Variants in BBS9 observed in about 807,000 individuals in gnomAD.
BBS9 encodes protein PTHB1.
In BBS9, 89 loss-of-function variants were observed where a neutral mutation model predicts 117.7. The ratio of observed to expected loss-of-function variants is 0.76; its 90% CI spans 0.64 to 0.90. BBS9 has a LOEUF of 0.90. BBS9 is among the 40% of genes least tolerant of loss of function. The pLI is 0.00. For synonymous variants in BBS9, 379 were observed against 370.9 expected (o/e 1.02, Z -0.25); for missense variants, 982 against 1,042.2 (o/e 0.94, Z 0.80).
In BBS9 at chr7:33,348,303, T is replaced by C. The variant is rs973227353; in HGVS notation, c.1330-765T>C. Among the ~76,000 whole-genome samples the C allele has an allele frequency of 6.6e-5, 10 of 152,162 alleles. 1 individual carries two copies. The South Asian group carries it at 1.0e-3, about 16-fold the overall frequency. On this transcript the variant is annotated intron_variant, in intron 12 of 22. Transcript: ENST00000242067. ...GCATCATGTTTTCAAGGTTCACCCA[T>C]GTTGTGGCATGTAAATGAAATAATG...
intron 5 of BBS9, among the ~76,000 whole-genome samples, chr7:33,239,535 A>C (rs1794114892): frequency 6.6e-6 from 1 of 152,018 alleles, no homozygotes; most frequent in East Asian, 1.9e-4. Context: ...TCAGTCTCCC[A>C]AGTAGCTGGG....
At chr7:33,623,288 A>G (rs1466800198) in intron 21 of BBS9, among the ~76,000 whole-genome samples, 5 of 152,204 alleles carry the variant, frequency 3.3e-5, no homozygotes, top group African/African-American at 1.2e-4. Context: ...TTGGAAAAAA[A>G]AAACCTAATC....
chr7:33,170,402 AC>A (rs1352137614), intron 4 of BBS9, among the ~76,000 whole-genome samples: 4 of 148,146 alleles, frequency 2.7e-5, no homozygotes, highest in East Asian at 2.0e-4. Context: ...AAATTCAACA[AC>A]CCTTCATGCT....
intron 5 of BBS9, among the ~76,000 whole-genome samples, chr7:33,215,690 G>A (rs1019758950): frequency 2.6e-4 from 39 of 151,914 alleles, no homozygotes; most frequent in African/African-American, 7.7e-4. Context: ...ATGAAATCCC[G>A]GCATTTGCAG....
intron 5 of BBS9, among the ~76,000 whole-genome samples, chr7:33,181,941 G>C (rs964175117): frequency 1.1e-4 from 17 of 152,162 alleles, no homozygotes; most frequent in African/African-American, 4.1e-4. Context: ...AACAAAATTA[G>C]CTGGGCATGG....
At chr7:33,150,711 C>T (rs1292381880) in intron 2 of BBS9, among the ~76,000 whole-genome samples, 1 of 152,076 alleles carries the variant, frequency 6.6e-6, no homozygotes, top group Non-Finnish European at 1.5e-5. Flanking sequence ...GGGCTTGTAT[C>T]TTGGGGAAAA....
At chr7:33,588,378 A>G (rs1861316085) in intron 21 of BBS9, among the ~76,000 whole-genome samples, 1 of 152,132 alleles carries the variant, frequency 6.6e-6, no homozygotes, top group South Asian at 2.1e-4. Flanking sequence ...AGATAATACT[A>G]TGTAAAAATT....
At chr7:33,163,351 A>G (rs955484185) in intron 4 of BBS9, among the ~76,000 whole-genome samples, 2 of 152,194 alleles carry the variant, frequency 1.3e-5, no homozygotes, top group African/African-American at 4.8e-5. Flanking sequence ...TCATAAAAAC[A>G]GTTAGGGAAG....
At chr7:33,259,259 A>T (rs1436995585) in intron 6 of BBS9, among the ~76,000 whole-genome samples, 2 of 152,202 alleles carry the variant, frequency 1.3e-5, no homozygotes, top group Admixed American at 6.5e-5. Flanking sequence ...TTTGATATTG[A>T]TACCTTTAGT....
intron 9 of BBS9, among the ~76,000 whole-genome samples, chr7:33,299,897 A>G (rs1454112669): frequency 6.6e-6 from 1 of 152,074 alleles, no homozygotes; most frequent in Non-Finnish European, 1.5e-5. Context: ...CTTATTCCCT[A>G]TTCTGTTTTT....
intron 19 of BBS9, among the ~76,000 whole-genome samples, chr7:33,470,199 A>G (rs1052261640): frequency 1.2e-4 from 18 of 152,288 alleles, no homozygotes; most frequent in African/African-American, 4.1e-4. Flanking sequence ...TTTCATAACA[A>G]TATAGAATTA....
rs185916615 is a variant in BBS9 at position 33,322,621 on chromosome 7, C to T, written c.1017-13820C>T. Among the ~76,000 whole-genome samples, 934 of 151,598 alleles carry T rather than the reference C, an allele frequency of 6.2e-3. 9 individuals are homozygous for T. The highest frequency in any genetic ancestry group is 0.021 in the African/African-American group (872 of 41,446). The stretch of plus-strand genomic sequence containing the variant: ...AATCTCTGATTTTACTTATTTGGGC[C>T]TTCTGTCTTTTTTTCTTAGTCTGGC... On this transcript the variant is annotated intron_variant, in intron 9 of 22. Coordinates refer to ENST00000242067, the MANE Select transcript of BBS9 (RefSeq NM_198428.3).
intron 4 of BBS9, among the ~76,000 whole-genome samples, chr7:33,171,774 A>G (rs569677753): frequency 7.2e-5 from 11 of 152,318 alleles, no homozygotes; most frequent in South Asian, 4.1e-4. Flanking sequence ...TTAATTTAAT[A>G]TAACATGACC....
At chr7:33,183,757 A>T (rs556233444) in intron 5 of BBS9, among the ~76,000 whole-genome samples, 1 of 152,198 alleles carries the variant, frequency 6.6e-6, no homozygotes, top group Non-Finnish European at 1.5e-5. Flanking sequence ...ACTGCCACGT[A>T]CTTAAAAGGT....
intron 21 of BBS9, among the ~76,000 whole-genome samples, chr7:33,624,618 C>T (rs751205508): frequency 1.8e-4 from 28 of 152,178 alleles, no homozygotes; most frequent in Non-Finnish European, 3.8e-4. Flanking sequence ...TAGGTCTTAA[C>T]CCTGTATCAG....
chr7:33,501,037 CT>C (rs1452037842), intron 19 of BBS9, among the ~76,000 whole-genome samples: 5 of 152,194 alleles, frequency 3.3e-5, no homozygotes, highest in African/African-American at 1.2e-4. Flanking sequence ...TCCTAAACCC[CT>C]CCCTTTCTGT....
intron 6 of BBS9, among the ~76,000 whole-genome samples, chr7:33,261,519 C>T (rs994829669): frequency 2.0e-5 from 3 of 152,150 alleles, no homozygotes; most frequent in Admixed American, 6.5e-5. Flanking sequence ...CTCTGTGTCT[C>T]GAGCTTCCAT....
chr7:33,257,456 T>G, intron 6 of BBS9, 46 bp downstream of exon 6: 2 of 1,581,418 alleles, frequency 1.3e-6, no homozygotes, highest in East Asian at 4.5e-5. Context: ...TTTTGGTGCG[T>G]TTGTTGCTGA....
intron 5 of BBS9, among the ~76,000 whole-genome samples, chr7:33,200,702 C>G (rs567118309): frequency 1.3e-5 from 2 of 152,224 alleles, no homozygotes; most frequent in East Asian, 3.9e-4. Flanking sequence ...GGAATCCCCC[C>G]CAACACCCAA....
Sources: gnomAD v4.1 joint callset for allele counts (sites outside exome capture counted in the v4.1 genomes callset) on GRCh38, gnomAD v4.1.1 for gene constraint, MANE v1.5 for transcripts, NCBI Gene and HGNC (gene_info 2026-07-23, HGNC 2026-07-21) for gene names.